The following AEBP2 variants were observed in gnomAD, a reference collection of about 807,000 sequenced individuals.
AEBP2 encodes AE binding protein 2, also known as zinc finger protein AEBP2.
In AEBP2, 10 loss-of-function variants were observed where a neutral mutation model predicts 50.8. The ratio of observed to expected loss-of-function variants is 0.20; its 90% CI spans 0.12 to 0.33. The LOEUF (loss-of-function observed/expected upper bound fraction) is 0.33. AEBP2 is among the 10% of genes least tolerant of loss of function. AEBP2 has a pLI of 1.00. For synonymous variants in AEBP2, 296 were observed against 261.3 expected (o/e 1.13, Z -1.28); for missense variants, 570 against 688.0 (o/e 0.83, Z 1.92).
chr12:19,413,402 C>A (rs2095740503), intron 1 of AEBP2: 5 of 1,048,250 alleles, frequency 4.8e-6, no homozygotes, highest in Non-Finnish European at 7.5e-6. Flanking sequence ...GAAAAGACAA[C>A]AACAGTGAAA....
intron 3 of AEBP2, among the ~76,000 whole-genome samples, chr12:19,491,533 A>C (rs1396498925): frequency 6.6e-6 from 1 of 152,158 alleles, no homozygotes; most frequent in Non-Finnish European, 1.5e-5. Flanking sequence ...GTAATACTGG[A>C]CATAGATAAG....
chr12:19,444,736 C>A (rs7299302), intron 1 of AEBP2, among the ~76,000 whole-genome samples: 12 of 152,030 alleles, frequency 7.9e-5, no homozygotes, highest in African/African-American at 2.7e-4. Context: ...TGCTTGAATG[C>A]GTGCATCTTT....
chr12:19,474,895 C>T (rs542061694), intron 3 of AEBP2, among the ~76,000 whole-genome samples: 10 of 152,134 alleles, frequency 6.6e-5, no homozygotes, highest in South Asian at 6.2e-4. Context: ...TGGGTTCCAG[C>T]GATTCTCCTG....
At position 19,439,875 on chromosome 12, in the gene AEBP2, T is replaced by C; in HGVS notation, c.176T>C (p.Leu59Pro). 2 of 1,480,020 alleles carry C rather than the reference T, an allele frequency of 1.4e-6. No individual in the cohort carries two copies. The highest frequency in any genetic ancestry group is 1.8e-6 in the Non-Finnish European group (2 of 1,124,842). The allele number at this position is 1,480,020 out of a possible 1,614,324, so 91.7% of individuals were successfully genotyped here. Residue 59 changes from leucine (L) to proline (P), a missense_variant, in exon 1 of 8, where the codon CTG (leucine) becomes CCG (proline). Leu to Pro is a moderately conservative substitution (Grantham distance 98). Around this residue, in one of 2 missense-constraint regions of AEBP2, gnomAD observed 386 missense variants for 336.8 expected, o/e 1.15. Coordinates refer to ENST00000266508, the MANE Select transcript of AEBP2 (RefSeq NM_153207.5). ...AEAEAVAALL[L>P]NGGSGGGGGG... ...GCCGAGGCGGTGGCGGCGCTGCTGC[T>C]GAACGGCGGCAGCGGTGGGGGCGGC...
In AEBP2 at chr12:19,518,550, T is replaced by G. The variant is rs1949352893; in HGVS notation, c.*433T>G. ...AAAAGCACTGTAAGGATATTTGTCT[T>G]GACAGTGTTTATTGATTTGAAGTCA... On this transcript the variant is annotated 3_prime_UTR_variant, in exon 8 of 8. Transcript: ENST00000266508. 1 of 1,312,994 alleles carries G rather than the reference T, an allele frequency of 7.6e-7. No individual in the cohort carries two copies. The highest frequency in any genetic ancestry group is 9.8e-7 in the Non-Finnish European group (1 of 1,018,064). 81.3% of individuals were successfully genotyped at this position (1,312,994 alleles called of 1,614,324 possible). A position where few individuals can be genotyped will look rare whatever the true frequency, so the allele number is the denominator to read the frequency against.
In AEBP2 at chr12:19,487,423, AAG is replaced by A. The variant is rs780545829; in HGVS notation, c.988-6373_988-6372del. Among the ~76,000 whole-genome samples the A allele has an allele frequency of 4.6e-5, 7 of 152,284 alleles. No homozygotes were observed. In the East Asian group the frequency reaches 1.2e-3, roughly 25 times the overall value. On this transcript the variant is annotated intron_variant, in intron 3 of 7. Transcript: ENST00000266508. Reference sequence around the variant, plus strand: ...TTACAGAAAGTACGTATGCTTTTGAAAGAGAAAAAAGGGGCCAGGTGCAGTGG... The same window carrying A: ...TTACAGAAAGTACGTATGCTTTTGAAAGAAAAAAGGGGCCAGGTGCAGTGG...
At chr12:19,506,083 A>G (rs1296298139) in intron 5 of AEBP2, among the ~76,000 whole-genome samples, 1 of 147,426 alleles carries the variant, frequency 6.8e-6, no homozygotes, top group Non-Finnish European at 1.5e-5. Context: ...TGCCTGGCCT[A>G]GTTTTTAAAA....
At chr12:19,436,751 T>TG (rs1736092536), upstream of AEBP2, among the ~76,000 whole-genome samples, 1 of 151,798 alleles carries the variant, frequency 6.6e-6, no homozygotes, top group Non-Finnish European at 1.5e-5. Flanking sequence ...CCACCACACC[T>TG]GGCTAGTTAA....
rs563278824 is a variant in AEBP2 at position 19,417,959 on chromosome 12, C to T, written c.-17+13743C>T. Among the ~76,000 whole-genome samples, 27 of 152,256 alleles carry T rather than the reference C, an allele frequency of 1.8e-4. 1 individual carries two copies. The South Asian group carries it at 4.8e-3, about 27-fold the overall frequency. On this transcript the variant is annotated intron_variant, in intron 1 of 3. Transcript: ENST00000538425. ...ACCTCTGATCCACCTGCCTCGGCCT[C>T]CCAAAGTGTTGGGATTACAGTCATG...
chr12:19,507,425 A>G (rs1201891117), intron 5 of AEBP2, among the ~76,000 whole-genome samples: 1 of 152,232 alleles, frequency 6.6e-6, no homozygotes, highest in African/African-American at 2.4e-5. Flanking sequence ...AGTGGTAATA[A>G]TATTAGAAGT....
intron 3 of AEBP2, among the ~76,000 whole-genome samples, 160 bp from the exon 4 acceptor site, chr12:19,493,639 TC>T (rs1948927235): frequency 6.6e-6 from 1 of 152,196 alleles, no homozygotes; most frequent in African/African-American, 2.4e-5. Context: ...GCAACTTACT[TC>T]GTAAAGTGAA....
At chr12:19,514,321 A>G (rs768393581) in intron 6 of AEBP2, among the ~76,000 whole-genome samples, 7 of 152,108 alleles carry the variant, frequency 4.6e-5, no homozygotes, top group Admixed American at 1.3e-4. Flanking sequence ...CTCTTAGTAA[A>G]GAAACTTGCT....
At chr12:19,498,488 A>C (rs1255530462) in intron 4 of AEBP2, among the ~76,000 whole-genome samples, 6 of 152,182 alleles carry the variant, frequency 3.9e-5, no homozygotes, top group African/African-American at 1.4e-4. Flanking sequence ...ATATTCCCCC[A>C]TAAAAGCTAT....
At chr12:19,468,666 GATACACTGGTTC>G (rs1272936184) in intron 2 of AEBP2, among the ~76,000 whole-genome samples, 19 of 152,266 alleles carry the variant, frequency 1.2e-4, no homozygotes, top group Admixed American at 5.2e-4. Context: ...CTGGTACAAG[GATACACTGGTTC>G]ATACACTGGT....
At chr12:19,446,457 C>T (rs116402702) in intron 1 of AEBP2, among the ~76,000 whole-genome samples, 1,818 of 152,206 alleles carry the variant, frequency 0.012, 42 homozygotes, top group African/African-American at 0.041. Context: ...AGGCGGGACA[C>T]GGTAGCTCAC....
chr12:19,499,185 C>G (rs1474044239), intron 4 of AEBP2, among the ~76,000 whole-genome samples: 1 of 152,084 alleles, frequency 6.6e-6, no homozygotes, highest in African/African-American at 2.4e-5. Context: ...GTAGTTTGCC[C>G]ACAGTCACAC....
intron 6 of AEBP2, among the ~76,000 whole-genome samples, chr12:19,513,356 A>G (rs1305969489): frequency 6.6e-6 from 1 of 152,040 alleles, no homozygotes; most frequent in African/African-American, 2.4e-5. Context: ...TTTTCTTTTT[A>G]TAAAAGGAAA....
At chr12:19,503,633 C>A (rs1565734842) in intron 5 of AEBP2, among the ~76,000 whole-genome samples, 2 of 150,390 alleles carry the variant, frequency 1.3e-5, no homozygotes, top group African/African-American at 4.9e-5. Context: ...GCTAGGACTT[C>A]CAGTACTGTG....
chr12:19,486,548 G>A lies in AEBP2; in HGVS notation c.988-7252G>A, dbSNP rs149125769. 7.1e-3 allele frequency among the ~76,000 whole-genome samples: 1,083 copies of A among 152,008 alleles called. 12 individuals are homozygous for A. The highest frequency in any genetic ancestry group is 0.025 in the African/African-American group (1,045 of 41,464). On this transcript the variant is annotated intron_variant, in intron 3 of 7. Transcript: ENST00000266508. ...CTGGGATTCAGGCCTGTGCTACCACGTCCAGCTAATTTTTTGTAGAGAGAG... is the reference window on the plus strand; with the variant it reads ...CTGGGATTCAGGCCTGTGCTACCACATCCAGCTAATTTTTTGTAGAGAGAG...
Sources: gnomAD v4.1 joint callset for allele counts (sites outside exome capture counted in the v4.1 genomes callset) on GRCh38, gnomAD v4.1.1 for gene constraint, gnomAD v4.1.1 regional missense constraint, MANE v1.5 for transcripts, NCBI Gene and HGNC (gene_info 2026-07-23, HGNC 2026-07-21) for gene names.